RGPD4: variants seen among roughly 807,000 people sequenced by gnomAD.
RGPD4 encodes ranBP2-like and GRIP domain-containing protein 4.
RGPD4 carries 84 observed loss-of-function variants against 141.1 expected under a neutral mutation model. That is an observed-to-expected ratio of 0.60 (90% CI 0.50 to 0.71). The LOEUF (loss-of-function observed/expected upper bound fraction) is 0.71. Ranked by LOEUF, RGPD4 falls within the 30% of genes least tolerant of loss-of-function variation. The probability of loss-of-function intolerance (pLI) is 0.00; values close to 1 mark genes in which losing one functional copy is unlikely to be tolerated. For synonymous variants in RGPD4, 298 were observed against 566.8 expected, an observed-to-expected ratio of 0.53 and a Z score of 6.74; for missense variants, 918 against 1,622.4, an observed-to-expected ratio of 0.57 and a Z score of 7.46.
chr2:107,881,660 C>A (rs832350), intron 21 of RGPD4, among the ~76,000 whole-genome samples: 108,988 of 148,168 alleles, frequency 0.74, 40,865 homozygotes, highest in South Asian at 0.82. Flanking sequence ...ATGATTTCTT[C>A]GTCTTCTTTA....
chr2:107,883,613 G>A (rs1264821183), intron 22 of RGPD4, among the ~76,000 whole-genome samples: 4 of 115,668 alleles, frequency 3.5e-5, no homozygotes, highest in Non-Finnish European at 5.2e-5. Context: ...ACGGCAGAGC[G>A]AGACTCCATC....
chr2:107,827,522 T>G (rs1166570496), intron 1 of RGPD4, among the ~76,000 whole-genome samples: 5 of 34,048 alleles, frequency 1.5e-4, no homozygotes, highest in Admixed American at 4.1e-4. Flanking sequence ...GGTGGCGGCC[T>G]CGATGGCTCA....
At chr2:107,880,477 A>G (rs986130557) in intron 21 of RGPD4, among the ~76,000 whole-genome samples, 1 of 151,392 alleles carries the variant, frequency 6.6e-6, no homozygotes, top group East Asian at 1.9e-4. Context: ...GTTATCCAGG[A>G]TGGTCTCGAT....
intron 18 of RGPD4, among the ~76,000 whole-genome samples, chr2:107,866,829 C>A (rs1682744173): frequency 8.8e-6 from 1 of 113,906 alleles, no homozygotes; most frequent in Non-Finnish European, 1.9e-5. Context: ...TGTAAGTTAA[C>A]CTGCCTGAAA....
intron 1 of RGPD4, 52 bp downstream of exon 1, chr2:107,827,137 G>A (rs1681222735): frequency 1.8e-6 from 1 of 571,038 alleles, no homozygotes; most frequent in Non-Finnish European, 2.3e-6. Flanking sequence ...GGCGGCGGAG[G>A]CCTCGACCTG....
At position 107,870,770 on chromosome 2, in the gene RGPD4, A is replaced by G. The variant is rs1174586905; in HGVS notation, c.2766A>G (p.Gly922=). 2 of 1,610,176 alleles carry G rather than the reference A, an allele frequency of 1.2e-6. No individual in the cohort carries two copies. Among genetic ancestry groups the G allele is most frequent in the African/African-American group, 1.3e-5 (1 of 74,232 alleles). The stretch of plus-strand genomic sequence containing the variant: ...TTTCCATCCCTGTGTCTGCTGATGG[A>G]TTTAAATTTGGCATTTCGGAACCAG... ...EGFSIPVSAD[G]FKFGISEPGN... is the part of the protein sequence containing the mutation. Residue 922 remains glycine, a synonymous_variant, in exon 20 of 23, where the codon GGA becomes GGG. Transcript: ENST00000408999.
chr2:107,880,520 C>T (rs529642584), intron 21 of RGPD4, among the ~76,000 whole-genome samples: 2 of 151,826 alleles, frequency 1.3e-5, no homozygotes, highest in Admixed American at 6.5e-5. Context: ...GCCTTGGCCT[C>T]CCAAAGTGCT....
chr2:107,878,060 C>T lies in RGPD4; in HGVS notation c.4925-1908C>T, dbSNP rs551316924. 1.1e-3 allele frequency among the ~76,000 whole-genome samples: 171 copies of T among 151,078 alleles called. 5 individuals are homozygous for T. The highest frequency in any genetic ancestry group is 3.9e-3 in the African/African-American group (160 of 40,788). ...ACTTGCTGACCTCGTGATCCACCCACCTTAGCCTCCCAAACTGCTAGGATT... is the reference window on the plus strand; with the variant it reads ...ACTTGCTGACCTCGTGATCCACCCATCTTAGCCTCCCAAACTGCTAGGATT... On this transcript the variant is annotated intron_variant, in intron 20 of 22. Coordinates refer to ENST00000408999, the MANE Select transcript of RGPD4 (RefSeq NM_182588.3).
At chr2:107,859,677 C>T in intron 11 of RGPD4, 45 bp from the exon 12 acceptor site, 1 of 1,611,104 alleles carries the variant, frequency 6.2e-7, no homozygotes, top group South Asian at 1.1e-5. Flanking sequence ...AAGCGCTGAA[C>T]TGTGTATTTA....
intron 20 of RGPD4, among the ~76,000 whole-genome samples, chr2:107,877,109 C>T (rs1176170481): frequency 6.6e-6 from 1 of 151,820 alleles, no homozygotes; most frequent in African/African-American, 2.4e-5. Context: ...TGTGGTGTCT[C>T]ACCCCTGCAA....
In RGPD4 at chr2:107,871,918, C is replaced by T. The variant is rs1378023146; in HGVS notation, c.3914C>T (p.Ser1305Phe). Residue 1305 changes from serine to phenylalanine, a missense_variant, in exon 20 of 23, where the codon TCT (serine) becomes TTT (phenylalanine). Transcript: ENST00000408999. ...SFKSALSPSK[S>F]PAKLNQSGTS... ...AAATCTGCTTTGAGTCCATCTAAGT[C>T]TCCTGCCAAGTTGAATCAGAGTGGG... The T allele has an allele frequency of 9.3e-6, 15 of 1,611,420 alleles. No individual in the cohort carries two copies. The highest frequency in any genetic ancestry group is 1.2e-5 in the Non-Finnish European group (14 of 1,179,864).
In RGPD4 at chr2:107,891,524, T is replaced by C. The variant is rs1199075428; in HGVS notation, c.*793T>C. On this transcript the variant is annotated 3_prime_UTR_variant, in exon 23 of 23. Coordinates refer to ENST00000408999, the MANE Select transcript of RGPD4 (RefSeq NM_182588.3). ...TTTAGTTATTTGCTTTAAAATAAAC[T>C]CTTCTTTTTTTCTTTAAAGTATACT... is the stretch of plus-strand genomic sequence containing the variant. 2.1e-5 allele frequency among the ~76,000 whole-genome samples: 2 copies of C among 94,740 alleles called. No individual in the cohort carries two copies. Among genetic ancestry groups the C allele is most frequent in the African/African-American group, 5.2e-5 (1 of 19,412 alleles). The allele number at this position is 94,740 out of a possible 152,430, so 62.2% of individuals were successfully genotyped here.
At chr2:107,874,907 A>C (rs991632155) in intron 20 of RGPD4, among the ~76,000 whole-genome samples, 38 of 150,438 alleles carry the variant, frequency 2.5e-4, no homozygotes, top group Admixed American at 1.9e-3. Flanking sequence ...GTTTTTGTTT[A>C]TAATGAAGGA....
At chr2:107,865,906 C>T (rs1487070990) in intron 17 of RGPD4, among the ~76,000 whole-genome samples, 1 of 141,604 alleles carries the variant, frequency 7.1e-6, no homozygotes, top group African/African-American at 2.8e-5. Flanking sequence ...CGCATCTCTA[C>T]TATTATACAA....
chr2:107,872,282 A>G lies in RGPD4; in HGVS notation c.4278A>G (p.Val1426=). Residue 1426 remains valine (V), a synonymous_variant, in exon 20 of 23, where the codon GTA becomes GTG. Transcript: ENST00000408999. The part of the protein sequence containing the change: ...SLQNMKGTER[V]WVWTACDFAD... Reference sequence around the variant, plus strand: ...AAAATATGAAAGGGACAGAAAGAGTATGGGTGTGGACTGCATGTGATTTTG... The same window carrying G: ...AAAATATGAAAGGGACAGAAAGAGTGTGGGTGTGGACTGCATGTGATTTTG... The G allele has an allele frequency of 6.2e-7, 1 of 1,610,854 alleles. No individual in the cohort carries two copies. The highest frequency in any genetic ancestry group is 2.2e-5 in the East Asian group (1 of 44,874).
chr2:107,853,419 CG>C (rs1682183229), intron 7 of RGPD4, among the ~76,000 whole-genome samples: 1 of 141,448 alleles, frequency 7.1e-6, no homozygotes, highest in South Asian at 2.4e-4. Flanking sequence ...GTCTTCCCTT[CG>C]CCATTCTATT....
chr2:107,845,157 C>T (rs1033261145), intron 6 of RGPD4, among the ~76,000 whole-genome samples: 49 of 128,598 alleles, frequency 3.8e-4, no homozygotes, highest in Non-Finnish European at 6.3e-5. Flanking sequence ...TCTCTTGTCT[C>T]TGCCTCCTGA....
chr2:107,829,785 C>G (rs986600799), intron 1 of RGPD4, among the ~76,000 whole-genome samples: 8 of 152,142 alleles, frequency 5.3e-5, no homozygotes, highest in African/African-American at 1.4e-4. Context: ...CTGGGCCCGT[C>G]CTGGCCCGGG....
At position 107,871,758 on chromosome 2, in the gene RGPD4, T is replaced by A; in HGVS notation, c.3754T>A (p.Cys1252Ser). ...NTGPTLEWDN[C>S]DLREDALDDS... ...TGGGCCCACATTAGAATGGGATAAC[T>A]GTGATTTAAGGGAAGATGCTTTGGA... is the stretch of plus-strand genomic sequence containing the variant. The change falls in exon 20 of 23, where the codon TGT becomes AGT. Residue 1252 changes from cysteine to serine, a missense_variant. By Grantham distance (112) the Cys-to-Ser change is moderately radical. Transcript: ENST00000408999. 6.2e-7 allele frequency: 1 copy of A among 1,611,312 alleles called. No homozygotes were observed. Among genetic ancestry groups the A allele is most frequent in the Admixed American group, 1.7e-5 (1 of 59,980 alleles).
Sources: gnomAD v4.1 joint callset for allele counts (sites outside exome capture counted in the v4.1 genomes callset) on GRCh38, gnomAD v4.1.1 for gene constraint, MANE v1.5 for transcripts, NCBI Gene and HGNC (gene_info 2026-07-23, HGNC 2026-07-21) for gene names.